The following GPR142 variants were observed in gnomAD, a reference collection of about 807,000 sequenced individuals.
GPR142 encodes G-protein coupled receptor 142 long form.
Under a neutral mutation model 10.6 loss-of-function variants are expected in GPR142, and 9 were observed. The ratio of observed to expected loss-of-function variants is 0.85; its 90% CI spans 0.51 to 1.48. The LOEUF is 1.48. Ranked by LOEUF, GPR142 falls within the 40% of genes most tolerant of loss-of-function variation. The pLI is 0.00. For missense variants in GPR142, 482 were observed against 506.0 expected, an observed-to-expected ratio of 0.95 and a Z score of 0.45; for synonymous variants, 202 against 221.2, an observed-to-expected ratio of 0.91 and a Z score of 0.77.
rs1425721419 is a variant in GPR142, at chr17:74,369,500, C to T, written c.-41C>T. On this transcript the variant is annotated 5_prime_UTR_variant, in exon 2 of 4. Transcript: ENST00000582579. Reference sequence around the variant, plus strand: ...GTCTGCGTAAGGATCCTGGGGCAAACAACCACTTGGAGAGCCAAGGGGTGA... The same window carrying T: ...GTCTGCGTAAGGATCCTGGGGCAAATAACCACTTGGAGAGCCAAGGGGTGA... 6.4e-7 allele frequency: 1 copy of T among 1,558,906 alleles called. No homozygotes were observed. The highest frequency in any genetic ancestry group is 1.2e-5 in the South Asian group (1 of 84,554).
chr17:74,372,548 C>T lies in GPR142; in HGVS notation c.1073C>T (p.Ala358Val), dbSNP rs369083518. Reference protein sequence around the residue: ...CTLASQPEGMAAKPVMEPPGL... With the variant: ...CTLASQPEGMVAKPVMEPPGL... ...TTGGCATCACAGCCAGAGGGCATGG[C>T]GGCGAAGCCTGTGATGGAGCCTCCG... Residue 358 changes from alanine (A) to valine (V), a missense_variant, in exon 4 of 4, where the codon GCG (alanine) becomes GTG (valine). Coordinates refer to ENST00000582579, the MANE Select transcript of GPR142 (RefSeq NM_001331076.1). 4.2e-5 allele frequency: 68 copies of T among 1,611,572 alleles called. No individual in the cohort carries two copies. The highest frequency in any genetic ancestry group is 2.0e-4 in the East Asian group (9 of 44,888).
chr17:74,368,401 A>G (rs970758481), intron 1 of GPR142, among the ~76,000 whole-genome samples: 5 of 152,108 alleles, frequency 3.3e-5, no homozygotes, highest in Non-Finnish European at 5.9e-5. Context: ...GTGCCTAGCC[A>G]AACCATGGGA....
In GPR142 at chr17:74,372,380, G is replaced by A. The variant is rs1236641123; in HGVS notation, c.905G>A (p.Trp302Ter). 8 of 1,613,986 alleles carry A rather than the reference G, an allele frequency of 5.0e-6. No individual in the cohort carries two copies. In the African/African-American group the frequency reaches 1.1e-4, roughly 22 times the overall value. The change falls in exon 4 of 4, where the codon TGG (tryptophan) becomes TAG (stop). Residue 302 changes from tryptophan to a stop codon, truncating the protein, a stop_gained. Transcript: ENST00000582579. LOFTEE classifies it low-confidence loss of function (END_TRUNC). ...HMYVAPVHRD[W>*]RVHLALDVAN... Reference sequence around the variant, plus strand: ...TACGTGGCCCCTGTCCACCGGGACTGGAGGGTCCACCTGGCCTTGGATGTG... The same window carrying A: ...TACGTGGCCCCTGTCCACCGGGACTAGAGGGTCCACCTGGCCTTGGATGTG...
At position 74,372,037 on chromosome 17, in the gene GPR142, C is replaced by T. The variant is rs373817114; in HGVS notation, c.562C>T (p.Arg188Cys). ...GGCCGCCTCGTCCCCAGGCCGGACC[C>T]GCCGGGCCATTGCTGCTGTCCTGAG... ...HRAASSPGRT[R>C]RAIAAVLSAA... is the part of the protein sequence containing the mutation. Residue 188 changes from arginine (R) to cysteine (C), a missense_variant, in exon 4 of 4, where the codon CGC becomes TGC. Coordinates refer to ENST00000582579, the MANE Select transcript of GPR142 (RefSeq NM_001331076.1). 6.0e-5 allele frequency: 97 copies of T among 1,613,902 alleles called. No individual in the cohort carries two copies. The highest frequency in any genetic ancestry group is 5.1e-4 in the African/African-American group (38 of 74,928).
In GPR142 at chr17:74,367,676, G is replaced by A. The variant is rs746423220; in HGVS notation, c.-192G>A. ...GTCTCAGCCATTCCAGGTGGCTGAGGTCTCCACAGGTCACAGGGGGAAGCT... is the reference window on the plus strand; with the variant it reads ...GTCTCAGCCATTCCAGGTGGCTGAGATCTCCACAGGTCACAGGGGGAAGCT... On this transcript the variant is annotated 5_prime_UTR_variant, in exon 1 of 4. Transcript: ENST00000582579. The A allele has an allele frequency of 5.0e-6, 8 of 1,613,728 alleles. No individual in the cohort carries two copies. Among genetic ancestry groups the A allele is most frequent in the African/African-American group, 1.3e-5 (1 of 74,944 alleles).
intron 1 of GPR142, among the ~76,000 whole-genome samples, chr17:74,368,708 C>A (rs906424615): frequency 1.2e-4 from 18 of 152,150 alleles, no homozygotes; most frequent in African/African-American, 4.1e-4. Flanking sequence ...GGCAGGAGAG[C>A]CAGTCTGGCC....
At chr17:74,370,412 G>A in intron 2 of GPR142, 109 bp from the exon 3 acceptor site, 1 of 1,186,276 alleles carries the variant, frequency 8.4e-7, no homozygotes, top group Non-Finnish European at 1.2e-6. Context: ...TGACTAGAGG[G>A]TCTGCACAGA....
At chr17:74,369,385 C>T (rs2055005820) in intron 1 of GPR142, 83 bp from the exon 2 acceptor site, 1 of 1,362,816 alleles carries the variant, frequency 7.3e-7, no homozygotes, top group African/African-American at 1.4e-5. Context: ...GCTCCACCAG[C>T]ATCTACTCTA....
At chr17:74,368,524 C>T (rs1030772214) in intron 1 of GPR142, among the ~76,000 whole-genome samples, 1 of 152,204 alleles carries the variant, frequency 6.6e-6, no homozygotes, top group African/African-American at 2.4e-5. Context: ...TGAGATCTAA[C>T]TCCCAGAGCT....
At chr17:74,369,964 A>G (rs903304387) in intron 2 of GPR142, among the ~76,000 whole-genome samples, 1 of 152,066 alleles carries the variant, frequency 6.6e-6, no homozygotes, top group Non-Finnish European at 1.5e-5. Flanking sequence ...TTTAGTTTAG[A>G]AAAGAGGGGG....
At chr17:74,368,924 G>T (rs574373083) in intron 1 of GPR142, among the ~76,000 whole-genome samples, 1 of 151,558 alleles carries the variant, frequency 6.6e-6, no homozygotes, top group East Asian at 2.0e-4. Context: ...CCTGGGGGTA[G>T]CCTCCACCTC....
Position 74,367,750 on chromosome 17 carries a change from T to C in GPR142, c.-118T>C, listed in dbSNP as rs1279726319. On this transcript the variant is annotated 5_prime_UTR_variant, in exon 1 of 4. Coordinates refer to ENST00000582579, the MANE Select transcript of GPR142 (RefSeq NM_001331076.1). ...AAGGACTCCAGCAGTTTCCGCCAGG[T>C]GAATCCAGCTGCCTCCCAGAACAGG... 4 of 1,613,334 alleles carry C rather than the reference T, an allele frequency of 2.5e-6. No individual in the cohort carries two copies. In the South Asian group the frequency reaches 4.4e-5, roughly 18 times the overall value.
Position 74,369,561 on chromosome 17 carries a change from G to A in GPR142, c.21G>A (p.Gly7=), listed in dbSNP as rs367760843. The A allele has an allele frequency of 5.7e-5, 89 of 1,553,198 alleles. No individual in the cohort carries two copies. Among genetic ancestry groups the A allele is most frequent in the Admixed American group, 5.1e-4 (26 of 51,106 alleles). ...TGGCGATGCTGACAGGGAGCTGCGGGGACCCTCAGAAAAAGCCACAGGTGA... is the reference window on the plus strand; with the variant it reads ...TGGCGATGCTGACAGGGAGCTGCGGAGACCCTCAGAAAAAGCCACAGGTGA... The part of the protein sequence containing the change: MLTGSC[G]DPQKKPQVTQ... The change falls in exon 2 of 4, where the codon GGG becomes GGA. Residue 7 remains glycine, a synonymous_variant. Coordinates refer to ENST00000582579, the MANE Select transcript of GPR142 (RefSeq NM_001331076.1).
At chr17:74,370,428 G>A in intron 2 of GPR142, 93 bp from the exon 3 acceptor site, 1 of 1,356,428 alleles carries the variant, frequency 7.4e-7, no homozygotes, top group East Asian at 2.4e-5. Context: ...ACAGAGCAGG[G>A]TGACTAGAAA....
In GPR142 at chr17:74,372,170, C is replaced by T. The variant is rs1315450002; in HGVS notation, c.695C>T (p.Thr232Ile). The change falls in exon 4 of 4, where the codon ACT becomes ATT. Residue 232 changes from threonine to isoleucine, a missense_variant. Transcript: ENST00000582579. The stretch of plus-strand genomic sequence containing the variant: ...GTCCTCAAGTGGGCTCACTGTCTCA[C>T]TGTCTATTTCATCCCTTGTGGCGTG... Reference protein sequence around the residue: ...DEVLKWAHCLTVYFIPCGVFL... With the variant: ...DEVLKWAHCLIVYFIPCGVFL... 6.2e-7 allele frequency: 1 copy of T among 1,614,052 alleles called. No individual in the cohort carries two copies. The highest frequency in any genetic ancestry group is 1.3e-5 in the African/African-American group (1 of 74,948).
chr17:74,370,551 C>G lies in GPR142; in HGVS notation c.125C>G (p.Thr42Arg). The G allele has an allele frequency of 1.2e-6, 2 of 1,612,586 alleles. No homozygotes were observed. The highest frequency in any genetic ancestry group is 1.7e-6 in the Non-Finnish European group (2 of 1,179,300). Residue 42 changes from threonine to arginine, a missense_variant, in exon 3 of 4, where the codon ACG (threonine) becomes AGG (arginine). Coordinates refer to ENST00000582579, the MANE Select transcript of GPR142 (RefSeq NM_001331076.1). ...AGQPRVTLLP[T>R]PHVSGLSQEF... ...CAGCCACGAGTGACCCTGCTGCCCACGCCCCACGTCAGCGGGCTGAGCCAG... is the reference window on the plus strand; with the variant it reads ...CAGCCACGAGTGACCCTGCTGCCCAGGCCCCACGTCAGCGGGCTGAGCCAG...
chr17:74,367,684 A>G lies in GPR142; in HGVS notation c.-184A>G. 1 of 1,613,598 alleles carries G rather than the reference A, an allele frequency of 6.2e-7. No individual in the cohort carries two copies. Among genetic ancestry groups the G allele is most frequent in the South Asian group, 1.1e-5 (1 of 90,742 alleles). The stretch of plus-strand genomic sequence containing the variant: ...CATTCCAGGTGGCTGAGGTCTCCAC[A>G]GGTCACAGGGGGAAGCTGGGACCTC... On this transcript the variant is annotated 5_prime_UTR_variant, in exon 1 of 4. Coordinates refer to ENST00000582579, the MANE Select transcript of GPR142 (RefSeq NM_001331076.1).
rs972252248 is a variant in GPR142 at position 74,371,638 on chromosome 17, C to A, written c.254-91C>A. ...GAAGCCAGCGCAGCCTCTGCACATG[C>A]AGATGGGGAGGTGCGATGGCGACAC... On this transcript the variant is annotated intron_variant, in intron 3 of 3. Coordinates refer to ENST00000582579, the MANE Select transcript of GPR142 (RefSeq NM_001331076.1). The A allele has an allele frequency of 1.2e-5, 16 of 1,295,444 alleles. No homozygotes were observed. The African/African-American group carries it at 1.9e-4, about 15-fold the overall frequency. 80.2% of individuals were successfully genotyped at this position (1,295,444 alleles called of 1,614,324 possible).
rs201070263 is a variant in GPR142 at position 74,367,671 on chromosome 17, C to T, written c.-197C>T. 164 of 1,613,706 alleles carry T rather than the reference C, an allele frequency of 1.0e-4. No homozygotes were observed. The highest frequency in any genetic ancestry group is 7.4e-4 in the South Asian group (67 of 90,752). ...TTCTTGTCTCAGCCATTCCAGGTGGCTGAGGTCTCCACAGGTCACAGGGGG... is the reference window on the plus strand; with the variant it reads ...TTCTTGTCTCAGCCATTCCAGGTGGTTGAGGTCTCCACAGGTCACAGGGGG... On this transcript the variant is annotated 5_prime_UTR_variant, in exon 1 of 4. Coordinates refer to ENST00000582579, the MANE Select transcript of GPR142 (RefSeq NM_001331076.1).
Sources: gnomAD v4.1 joint callset for allele counts (sites outside exome capture counted in the v4.1 genomes callset) on GRCh38, gnomAD v4.1.1 for gene constraint, MANE v1.5 for transcripts, NCBI Gene and HGNC (gene_info 2026-07-23, HGNC 2026-07-21) for gene names.